The following GRM8 variants were observed in gnomAD, a reference collection of about 807,000 sequenced individuals.
The protein encoded by GRM8 is metabotropic glutamate receptor 8.
In GRM8, 47 loss-of-function variants were observed where a neutral mutation model predicts 87.2. That is an observed-to-expected ratio of 0.54 (90% CI 0.43 to 0.69). The LOEUF is 0.69. Ranked by LOEUF, GRM8 falls within the 30% of genes least tolerant of loss-of-function variation. The pLI is 0.00. For synonymous variants in GRM8, 396 were observed against 404.5 expected, an observed-to-expected ratio of 0.98 and a Z score of 0.25; for missense variants, 1,019 against 1,139.2, an observed-to-expected ratio of 0.89 and a Z score of 1.52.
At chr7:126,766,786 A>G (rs1450940363) in intron 7 of GRM8, among the ~76,000 whole-genome samples, 1 of 152,120 alleles carries the variant, frequency 6.6e-6, no homozygotes, top group African/African-American at 2.4e-5. Context: ...TTTTGGTGTT[A>G]GGGAGGTGGG....
At chr7:127,036,337 T>C (rs1159602025) in intron 3 of GRM8, among the ~76,000 whole-genome samples, 1 of 152,224 alleles carries the variant, frequency 6.6e-6, no homozygotes, top group East Asian at 1.9e-4. Flanking sequence ...ACAAAAACTC[T>C]TCAGTTTTCC....
At chr7:127,109,692 A>T (rs2133109990) in intron 2 of GRM8, among the ~76,000 whole-genome samples, 1 of 152,274 alleles carries the variant, frequency 6.6e-6, no homozygotes, top group Middle Eastern at 3.4e-3. Context: ...TCCTCTCAAG[A>T]CCAAGCAGGG....
chr7:127,010,087 A>G (rs183109992), intron 3 of GRM8, among the ~76,000 whole-genome samples: 371 of 151,968 alleles, frequency 2.4e-3, no homozygotes, highest in Non-Finnish European at 3.8e-3. Context: ...AAGTGATCCG[A>G]CTGCCTCAGC....
intron 2 of GRM8, among the ~76,000 whole-genome samples, chr7:127,150,228 C>A (rs1361007188): frequency 1.3e-5 from 2 of 151,994 alleles, no homozygotes; most frequent in African/African-American, 2.4e-5. Context: ...GAATGGAGGG[C>A]TCATATGAAA....
At chr7:126,555,743 T>C (rs982694523) in intron 8 of GRM8, among the ~76,000 whole-genome samples, 9 of 152,242 alleles carry the variant, frequency 5.9e-5, no homozygotes, top group Non-Finnish European at 1.3e-4. Context: ...CTATTCAGTG[T>C]TTGTTTACTT....
At chr7:126,720,439 C>T (rs1230281056) in intron 7 of GRM8, among the ~76,000 whole-genome samples, 1 of 152,012 alleles carries the variant, frequency 6.6e-6, no homozygotes, top group Non-Finnish European at 1.5e-5. Flanking sequence ...CACAAGTTGC[C>T]TCTTAAATGA....
chr7:126,668,651 A>G (rs1305037324), intron 7 of GRM8, among the ~76,000 whole-genome samples: 1 of 152,162 alleles, frequency 6.6e-6, no homozygotes, highest in African/African-American at 2.4e-5. Context: ...TCCATCAGAC[A>G]GTAAATAAGC....
intron 3 of GRM8, among the ~76,000 whole-genome samples, chr7:127,032,921 A>C (rs1287938370): frequency 1.3e-5 from 2 of 151,876 alleles, no homozygotes; most frequent in Non-Finnish European, 2.9e-5. Context: ...CTAGAGAGAA[A>C]GGCTTCTATC....
At chr7:126,677,288 CG>C (rs1356708114) in intron 7 of GRM8, among the ~76,000 whole-genome samples, 1 of 150,406 alleles carries the variant, frequency 6.6e-6, no homozygotes, top group African/African-American at 2.4e-5. Context: ...GAAAATAGCA[CG>C]GAAATTTCTC....
intron 8 of GRM8, among the ~76,000 whole-genome samples, chr7:126,579,841 A>T (rs1038877920): frequency 6.6e-6 from 1 of 152,156 alleles, no homozygotes; most frequent in Admixed American, 6.6e-5. Context: ...TCTGTTAATC[A>T]ATGTTATAGA....
intron 2 of GRM8, among the ~76,000 whole-genome samples, chr7:127,117,762 T>C (rs1238750443): frequency 6.6e-6 from 1 of 152,228 alleles, no homozygotes; most frequent in East Asian, 1.9e-4. Flanking sequence ...TTAATTTTCC[T>C]CTTCTGCTGA....
chr7:126,779,620 A>T (rs916689148), intron 6 of GRM8, among the ~76,000 whole-genome samples: 3 of 152,178 alleles, frequency 2.0e-5, no homozygotes, highest in African/African-American at 7.2e-5. Flanking sequence ...TGTTTATTCA[A>T]ATCTTCTTTA....
intron 2 of GRM8, among the ~76,000 whole-genome samples, chr7:127,137,207 A>T (rs1054171642): frequency 1.3e-5 from 2 of 151,854 alleles, no homozygotes; most frequent in African/African-American, 4.8e-5. Context: ...ATACACATGC[A>T]TAAACATACA....
Position 127,242,980 on chromosome 7 carries a change from T to C in GRM8, c.225A>G (p.Arg75=). The change falls in exon 2 of 11, where the codon AGA becomes AGG. Residue 75 remains arginine (R), a synonymous_variant. Coordinates refer to ENST00000339582, the MANE Select transcript of GRM8 (RefSeq NM_000845.3). ...GELKKEKGIH[R]LEAMLYAIDQ... ...CAATTGCATAAAGCATGGCCTCCAG[T>C]CTGTGAATCCCCTTTTCCTTCTTCA... 6.2e-7 allele frequency: 1 copy of C among 1,614,106 alleles called. No individual in the cohort carries two copies. The highest frequency in any genetic ancestry group is 8.5e-7 in the Non-Finnish European group (1 of 1,180,016).
At chr7:126,667,143 A>C (rs1430668173) in intron 7 of GRM8, among the ~76,000 whole-genome samples, 1 of 152,212 alleles carries the variant, frequency 6.6e-6, no homozygotes, top group Admixed American at 6.5e-5. Context: ...ATATTAATTC[A>C]TTCAATTTTT....
intron 3 of GRM8, among the ~76,000 whole-genome samples, chr7:127,098,011 A>G (rs1824849265): frequency 6.6e-6 from 1 of 152,226 alleles, no homozygotes; most frequent in Non-Finnish European, 1.5e-5. Flanking sequence ...ACTATATTTG[A>G]TCAGCTTCTG....
intron 7 of GRM8, among the ~76,000 whole-genome samples, chr7:126,740,329 AT>A (rs941672845): frequency 9.9e-5 from 15 of 152,184 alleles, no homozygotes; most frequent in African/African-American, 3.4e-4. Flanking sequence ...ATATGGGGCA[AT>A]TTTTTATTCC....
chr7:127,234,681 C>T (rs1282322009), intron 2 of GRM8, among the ~76,000 whole-genome samples: 5 of 152,166 alleles, frequency 3.3e-5, no homozygotes, highest in African/African-American at 9.7e-5. Flanking sequence ...GACCCCACCC[C>T]GGGCCTCCCC....
intron 10 of GRM8, among the ~76,000 whole-genome samples, chr7:126,441,784 T>G (rs975717539): frequency 4.5e-5 from 6 of 132,212 alleles, no homozygotes; most frequent in Non-Finnish European, 1.0e-4. Context: ...ACCACTAAAA[T>G]TAACTCAGAT....
Sources: gnomAD v4.1 joint callset for allele counts (sites outside exome capture counted in the v4.1 genomes callset) on GRCh38, gnomAD v4.1.1 for gene constraint, MANE v1.5 for transcripts, NCBI Gene and HGNC (gene_info 2026-07-23, HGNC 2026-07-21) for gene names.